PKM: variants seen among roughly 807,000 people sequenced by gnomAD.
PKM encodes pyruvate kinase M1/2.
Under a neutral mutation model 49.8 loss-of-function variants are expected in PKM, and 18 were observed. The ratio of observed to expected loss-of-function variants is 0.36; its 90% CI spans 0.25 to 0.54. The LOEUF (loss-of-function observed/expected upper bound fraction) is 0.54. PKM is among the 20% of genes least tolerant of loss of function. PKM has a pLI of 0.89. For synonymous variants in PKM, 239 were observed against 261.8 expected (o/e 0.91, Z 0.84); for missense variants, 508 against 713.8 (o/e 0.71, Z 3.28).
At chr15:72,229,984 G>A (rs1315141531) in intron 1 of PKM, among the ~76,000 whole-genome samples, 1 of 152,090 alleles carries the variant, frequency 6.6e-6, no homozygotes, top group Non-Finnish European at 1.5e-5. Context: ...ACGGGCGAGG[G>A]CCAGGAGGCC....
chr15:72,217,556 T>C (rs2082406845), intron 2 of PKM, 56 bp from the exon 3 acceptor site: 1 of 1,168,968 alleles, frequency 8.6e-7, no homozygotes, highest in African/African-American at 1.5e-5. Context: ...AGGAAAAACA[T>C]TTAAGTTTGC....
Position 72,208,797 on chromosome 15 carries a change from A to G in PKM, c.660T>C (p.Ala220=). 2 of 1,614,152 alleles carry G rather than the reference A, an allele frequency of 1.2e-6. No individual in the cohort carries two copies. Among genetic ancestry groups the G allele is most frequent in the Non-Finnish European group, 1.7e-6 (2 of 1,180,022 alleles). Residue 220 remains alanine, a synonymous_variant, in exon 6 of 11, where the codon GCT becomes GCC. Transcript: ENST00000335181. The part of the protein sequence containing the change: ...NLPGAAVDLP[A]VSEKDIQDLK... ...GATCCTGGATGTCCTTCTCCGACAC[A>G]GCAGGCAAGTCCACAGCAGCCCCAG...
At chr15:72,199,896 A>G (rs1194126549) in intron 10 of PKM, 140 bp from the exon 11 acceptor site, 20 of 703,210 alleles carry the variant, frequency 2.8e-5, no homozygotes, top group Non-Finnish European at 4.8e-5. Context: ...CCAAACTCAC[A>G]GCCCAGGCAA....
chr15:72,226,725 T>A lies in PKM; in HGVS notation c.-14+4391A>T, dbSNP rs8192372. Among the ~76,000 whole-genome samples the A allele has an allele frequency of 4.3e-3, 655 of 152,266 alleles. 6 individuals carry two copies. The highest frequency in any genetic ancestry group is 0.015 in the African/African-American group (628 of 41,548). ...CCCTTGAATAACTGGTCTTGGCATC[T>A]CTCCCACTGCAGCCCCAGCCTGCTT... On this transcript the variant is annotated intron_variant, in intron 1 of 10. Transcript: ENST00000335181.
chr15:72,227,760 A>AC (rs2082715602), intron 1 of PKM, among the ~76,000 whole-genome samples: 2 of 133,840 alleles, frequency 1.5e-5, no homozygotes, highest in African/African-American at 6.8e-5. Flanking sequence ...AAAAAAAAAA[A>AC]AAAAAAAAAA....
intron 3 of PKM, among the ~76,000 whole-genome samples, chr15:72,214,205 A>G (rs553439904): frequency 2.3e-4 from 35 of 152,208 alleles, no homozygotes; most frequent in Non-Finnish European, 4.9e-4. Context: ...ATGTGTCTGT[A>G]TAATTTCTAC....
chr15:72,216,038 G>C (rs907875914), intron 3 of PKM, among the ~76,000 whole-genome samples: 1 of 152,174 alleles, frequency 6.6e-6, no homozygotes, highest in Non-Finnish European at 1.5e-5. Context: ...GGCTGTTTAT[G>C]AACACAGGTT....
In PKM at chr15:72,202,874, G is replaced by A. The variant is rs1014953734; in HGVS notation, c.1141-254C>T. ...CTGAGCCACAGGACCCTTTGGTCCTGCCCTGCCATGACCTCCCTGGCGGTG... is the reference window on the plus strand; with the variant it reads ...CTGAGCCACAGGACCCTTTGGTCCTACCCTGCCATGACCTCCCTGGCGGTG... On this transcript the variant is annotated intron_variant, in intron 8 of 10. Transcript: ENST00000335181. The surrounding 1 kb of genome is among the most constrained non-coding windows in gnomAD (Gnocchi z 4.5). 3.5e-6 allele frequency: 3 copies of A among 868,114 alleles called. No individual in the cohort carries two copies. The highest frequency in any genetic ancestry group is 2.7e-5 in the South Asian group (2 of 72,734). 53.8% of individuals were successfully genotyped at this position (868,114 alleles called of 1,614,324 possible).
At chr15:72,211,327 A>C (rs1254105970) in intron 3 of PKM, among the ~76,000 whole-genome samples, 1 of 152,092 alleles carries the variant, frequency 6.6e-6, no homozygotes, top group African/African-American at 2.4e-5. Flanking sequence ...TCGGCCTCCC[A>C]AAGTGCTGGG....
At chr15:72,211,625 T>C (rs2140686314) in intron 3 of PKM, among the ~76,000 whole-genome samples, 1 of 152,098 alleles carries the variant, frequency 6.6e-6, no homozygotes, top group South Asian at 2.1e-4. Context: ...GAGATGAGCC[T>C]GGGCAACATG....
chr15:72,213,575 C>T (rs1414417638), intron 3 of PKM, among the ~76,000 whole-genome samples: 2 of 152,196 alleles, frequency 1.3e-5, no homozygotes, highest in Non-Finnish European at 1.5e-5. Context: ...GGACTGCAGG[C>T]ATGTGCCACC....
chr15:72,217,745 G>T (rs1484435926), intron 2 of PKM, among the ~76,000 whole-genome samples: 1 of 152,158 alleles, frequency 6.6e-6, no homozygotes, highest in Non-Finnish European at 1.5e-5. Flanking sequence ...CCTAGGTTAA[G>T]ACTTGGCCAG....
At chr15:72,221,201 T>C (rs2082512381) in intron 1 of PKM, 2 of 1,535,342 alleles carry the variant, frequency 1.3e-6, no homozygotes, top group South Asian at 2.4e-5. Flanking sequence ...TCCGGTGACA[T>C]AATGCTCCCC....
At chr15:72,207,359 T>G in intron 6 of PKM, 82 bp from the exon 7 acceptor site, 2 of 1,233,488 alleles carry the variant, frequency 1.6e-6, no homozygotes, top group Non-Finnish European at 2.4e-6. Flanking sequence ...TTCCCTGGGA[T>G]TCCCTAACTT....
chr15:72,220,380 T>C (rs1169128310), intron 1 of PKM, among the ~76,000 whole-genome samples: 1 of 152,182 alleles, frequency 6.6e-6, no homozygotes, highest in Non-Finnish European at 1.5e-5. Context: ...TCTGACTTTG[T>C]GGGCTCTCTG....
intron 9 of PKM, chr15:72,201,001 T>A (rs1007217737): frequency 1.6e-5 from 4 of 250,650 alleles, no homozygotes; most frequent in Middle Eastern, 2.7e-3. Flanking sequence ...CCTGGCCCAA[T>A]GTCACCAGCA....
chr15:72,207,666 A>T (rs967386794), intron 6 of PKM, among the ~76,000 whole-genome samples: 2 of 152,220 alleles, frequency 1.3e-5, no homozygotes, highest in African/African-American at 4.8e-5. Flanking sequence ...TCCACCACAA[A>T]GACCCATGGC....
Position 72,199,420 on chromosome 15 carries a change from T to TC in PKM, c.*229dup, listed in dbSNP as rs1353403099. On this transcript the variant is annotated 3_prime_UTR_variant, in exon 11 of 11. Coordinates refer to ENST00000335181, the MANE Select transcript of PKM (RefSeq NM_002654.6). ...CCTCCAGTCCAGCATTCCTCCTTCTTCCCTTGATTGGGTGGGGCCACATGA... is the reference window on the plus strand; with the variant it reads ...CCTCCAGTCCAGCATTCCTCCTTCTTCCCCTTGATTGGGTGGGGCCACATGA... 1.5e-5 allele frequency: 10 copies of TC among 687,828 alleles called. No individual in the cohort carries two copies. The highest frequency in any genetic ancestry group is 2.1e-5 in the Non-Finnish European group (8 of 375,560). 42.6% of individuals were successfully genotyped at this position (687,828 alleles called of 1,614,324 possible).
At chr15:72,217,660 G>C (rs2082410441) in intron 2 of PKM, among the ~76,000 whole-genome samples, 160 bp from the exon 3 acceptor site, 1 of 152,174 alleles carries the variant, frequency 6.6e-6, no homozygotes, top group South Asian at 2.1e-4. Flanking sequence ...TACCGTGCCA[G>C]CTTACTTTCT....
Sources: gnomAD v4.1 joint callset for allele counts (sites outside exome capture counted in the v4.1 genomes callset) on GRCh38, gnomAD v4.1.1 for gene constraint, Gnocchi (gnomAD v3.1) non-coding constraint, MANE v1.5 for transcripts, NCBI Gene and HGNC (gene_info 2026-07-23, HGNC 2026-07-21) for gene names.